The following PLCG2 variants were observed in gnomAD, a reference collection of about 807,000 sequenced individuals.
PLCG2 encodes the protein 1-phosphatidylinositol 4,5-bisphosphate phosphodiesterase gamma-2.
A neutral mutation model predicts 175.6 loss-of-function variants in PLCG2; 69 were observed. The ratio of observed to expected loss-of-function variants is 0.39; its 90% CI spans 0.32 to 0.48. The LOEUF (loss-of-function observed/expected upper bound fraction) is 0.48. Among genes scored for constraint, PLCG2 ranks in the 20% least tolerant of loss-of-function variants. The pLI, the probability that PLCG2 is intolerant of heterozygous loss-of-function variation, is 0.91. For missense variants in PLCG2, 1,798 were observed against 1,650.9 expected (o/e 1.09, Z -1.54); for synonymous variants, 827 against 624.0 (o/e 1.33, Z -4.85).
intron 2 of PLCG2, among the ~76,000 whole-genome samples, chr16:81,789,690 T>A (rs1226808456): frequency 6.6e-6 from 1 of 152,200 alleles, no homozygotes; most frequent in East Asian, 1.9e-4. Context: ...GGCTGGGGCG[T>A]ATTATTATAA....
chr16:81,860,669 A>G (rs1431759173), intron 5 of PLCG2, among the ~76,000 whole-genome samples: 1 of 152,114 alleles, frequency 6.6e-6, no homozygotes. Context: ...TTGATAATGT[A>G]ATGATAAAAA....
At chr16:81,807,016 C>T (rs1045845776) in intron 2 of PLCG2, among the ~76,000 whole-genome samples, 5 of 152,150 alleles carry the variant, frequency 3.3e-5, no homozygotes, top group African/African-American at 1.2e-4. Context: ...GATATGGCCC[C>T]TCGGGCTGCT....
At chr16:81,860,163 ATT>A (rs1567502937) in intron 5 of PLCG2, among the ~76,000 whole-genome samples, 1 of 97,026 alleles carries the variant, frequency 1.0e-5, no homozygotes, top group Non-Finnish European at 2.4e-5. Context: ...TATTATTATT[ATT>A]ATTATTATTT....
At chr16:81,889,073 G>T (rs967588358) in intron 9 of PLCG2, 99 bp from the exon 10 acceptor site, 3 of 691,588 alleles carry the variant, frequency 4.3e-6, no homozygotes, top group Middle Eastern at 2.9e-4. Flanking sequence ...GGAATTGGTT[G>T]ATGTTTCAGT....
intron 2 of PLCG2, among the ~76,000 whole-genome samples, chr16:81,805,942 G>A (rs546365910): frequency 1.3e-5 from 2 of 151,912 alleles, no homozygotes; most frequent in Non-Finnish European, 2.9e-5. Flanking sequence ...ACGCAGTCAT[G>A]TGTGTAGTTT....
rs548797496 is a variant in PLCG2 at position 81,915,437 on chromosome 16, C to A, written c.2054+2721C>A. On this transcript the variant is annotated intron_variant, in intron 19 of 32. Transcript: ENST00000564138. ...GGAAGGCATCTCTTGGGCAGTGAAG[C>A]TGAGACCTCAGGCTGTGGCCGTGGC... Among the ~76,000 whole-genome samples the A allele has an allele frequency of 2.0e-5, 3 of 152,352 alleles. No individual in the cohort carries two copies. In the South Asian group the frequency reaches 6.2e-4, roughly 32 times the overall value.
At chr16:81,810,072 ACCT>A (rs1567475871) in intron 2 of PLCG2, among the ~76,000 whole-genome samples, 6 of 151,034 alleles carry the variant, frequency 4.0e-5, no homozygotes, top group African/African-American at 1.2e-4. Flanking sequence ...GCTCACTGCA[ACCT>A]CCTCCTCCTG....
At chr16:81,799,197 C>G (rs1911609894) in intron 2 of PLCG2, among the ~76,000 whole-genome samples, 1 of 152,218 alleles carries the variant, frequency 6.6e-6, no homozygotes, top group African/African-American at 2.4e-5. Flanking sequence ...TTTTAACCTA[C>G]TTCTGGGTGA....
chr16:81,838,897 G>A (rs1212776353), intron 2 of PLCG2, among the ~76,000 whole-genome samples: 5 of 151,540 alleles, frequency 3.3e-5, no homozygotes. Flanking sequence ...GCCATTCCTC[G>A]GGTCCCGGTG....
At chr16:81,767,214 G>A (rs141133231) in intron 2 of PLCG2, among the ~76,000 whole-genome samples, 2,624 of 141,060 alleles carry the variant, frequency 0.019, 77 homozygotes, top group African/African-American at 0.065. Context: ...GTGCAATCTC[G>A]GCTCACTGCA....
intron 9 of PLCG2, among the ~76,000 whole-genome samples, chr16:81,885,319 C>T (rs892596665): frequency 1.0e-5 from 1 of 95,632 alleles, no homozygotes; most frequent in Admixed American, 1.2e-4. Context: ...CCACCACGCC[C>T]AGCCCCGACT....
chr16:81,800,309 A>C (rs942557221), intron 2 of PLCG2, among the ~76,000 whole-genome samples: 1 of 152,054 alleles, frequency 6.6e-6, no homozygotes, highest in African/African-American at 2.4e-5. Context: ...TCAGCTCATC[A>C]CCTAGATATT....
intron 1 of PLCG2, among the ~76,000 whole-genome samples, chr16:81,743,582 C>A (rs538904268): frequency 3.9e-5 from 6 of 152,278 alleles, no homozygotes; most frequent in African/African-American, 1.4e-4. Context: ...ACCTCATGCA[C>A]CCTGAGCTGA....
intron 1 of PLCG2, among the ~76,000 whole-genome samples, chr16:81,783,442 G>A (rs924326761): frequency 6.6e-6 from 1 of 152,104 alleles, no homozygotes; most frequent in Non-Finnish European, 1.5e-5. Context: ...GTGTGACCTC[G>A]GATAAGTCCC....
intron 7 of PLCG2, among the ~76,000 whole-genome samples, chr16:81,872,506 G>A (rs1432204998): frequency 6.6e-6 from 1 of 152,196 alleles, no homozygotes; most frequent in Non-Finnish European, 1.5e-5. Context: ...CTCATTTTCT[G>A]TGATATGTTC....
In PLCG2 at chr16:81,934,277, AG is replaced by A. The variant is rs1472445320; in HGVS notation, c.2740-149del. 1.6e-5 allele frequency: 10 copies of A among 619,508 alleles called. No individual in the cohort carries two copies. The East Asian group carries it at 2.7e-4, about 17-fold the overall frequency. The allele number at this position is 619,508 out of a possible 1,614,324, so 38.4% of individuals were successfully genotyped here. ...AGTGAGAGGAAGAAACGAGAGGGGCAGGGTTGTCTTCAGGAAAGGAAAACAT... is the reference window on the plus strand; with the variant it reads ...AGTGAGAGGAAGAAACGAGAGGGGCAGGTTGTCTTCAGGAAAGGAAAACAT... On this transcript the variant is annotated intron_variant, in intron 25 of 32. Transcript: ENST00000564138.
At chr16:81,892,726 G>T (rs116906243) in intron 11 of PLCG2, among the ~76,000 whole-genome samples, 1,836 of 152,214 alleles carry the variant, frequency 0.012, 60 homozygotes, top group East Asian at 0.032. Context: ...GTGTCATGGA[G>T]GTTTGCTGTG....
At chr16:81,889,711 G>C (rs887453761) in intron 10 of PLCG2, among the ~76,000 whole-genome samples, 4 of 152,168 alleles carry the variant, frequency 2.6e-5, no homozygotes, top group Non-Finnish European at 5.9e-5. Flanking sequence ...CTGGAGTGCA[G>C]TGGTGGGATC....
intron 5 of PLCG2, among the ~76,000 whole-genome samples, chr16:81,866,016 C>G (rs1364074547): frequency 3.6e-5 from 5 of 138,046 alleles, no homozygotes; most frequent in Admixed American, 7.1e-5. Context: ...CCCTTTCTCC[C>G]AGGATGGGCT....
Sources: gnomAD v4.1 joint callset for allele counts (sites outside exome capture counted in the v4.1 genomes callset) on GRCh38, gnomAD v4.1.1 for gene constraint, MANE v1.5 for transcripts, NCBI Gene and HGNC (gene_info 2026-07-23, HGNC 2026-07-21) for gene names.